SMAP2: variants seen among roughly 807,000 people sequenced by gnomAD.
The protein encoded by SMAP2 is small ArfGAP2.
In SMAP2, 25 loss-of-function variants were observed where a neutral mutation model predicts 56.4. That is an observed-to-expected ratio of 0.44 (90% CI 0.32 to 0.62). The LOEUF is 0.62. Ranked by LOEUF, SMAP2 falls within the 20% of genes least tolerant of loss-of-function variation. SMAP2 has a pLI of 0.04. For missense variants in SMAP2, 388 were observed against 545.6 expected, an observed-to-expected ratio of 0.71 and a Z score of 2.88; for synonymous variants, 157 against 181.7, an observed-to-expected ratio of 0.86 and a Z score of 1.09.
intron 1 of SMAP2, among the ~76,000 whole-genome samples, chr1:40,391,578 A>G (rs188864365): frequency 7.9e-4 from 120 of 152,262 alleles, no homozygotes; most frequent in African/African-American, 2.7e-3. Context: ...TTGTGCATCC[A>G]GAATCTAGTA....
In SMAP2 at chr1:40,402,460, T is replaced by G. The variant is rs186314291; in HGVS notation, c.104-4276T>G. 7.4e-5 allele frequency among the ~76,000 whole-genome samples: 11 copies of G among 147,984 alleles called. No individual in the cohort carries two copies. In the East Asian group the frequency reaches 9.8e-4, roughly 13 times the overall value. ...TTCTAACTGTATTTTTGTATTTTTG[T>G]TTTTTTTTTGAGACAAGGTCTCGCT... On this transcript the variant is annotated intron_variant, in intron 1 of 9. Transcript: ENST00000372718.
rs1644651393 is a variant in SMAP2 at position 40,386,132 on chromosome 1, A to G, written c.103+11909A>G. ...ACCCTGAGAAGAGAAACAGGAAGGA[A>G]ACTCCCTGTTCTTACCATGATGCTT... On this transcript the variant is annotated intron_variant, in intron 1 of 9. Coordinates refer to ENST00000372718, the MANE Select transcript of SMAP2 (RefSeq NM_022733.3). This position sits in a 1 kb window ranked among gnomAD's most constrained non-coding sequence, Gnocchi z 4.1. Among the ~76,000 whole-genome samples the G allele has an allele frequency of 6.6e-6, 1 of 152,166 alleles. No individual in the cohort carries two copies. The highest frequency in any genetic ancestry group is 2.1e-4 in the South Asian group (1 of 4,832).
Position 40,422,158 on chromosome 1 carries a change from A to G in SMAP2, c.*57A>G. On this transcript the variant is annotated 3_prime_UTR_variant, in exon 10 of 10. Transcript: ENST00000372718. ...TCAGCCCTCGCTCTCCCCTTTCCAC[A>G]GCCTCCACCCCTGACCCCCATCCTC... 2 of 1,602,856 alleles carry G rather than the reference A, an allele frequency of 1.2e-6. No homozygotes were observed. The highest frequency in any genetic ancestry group is 1.7e-6 in the Non-Finnish European group (2 of 1,175,360).
chr1:40,345,679 G>T (rs530584804), intron 1 of SMAP2, among the ~76,000 whole-genome samples: 1 of 151,086 alleles, frequency 6.6e-6, no homozygotes, highest in Non-Finnish European at 1.5e-5. Context: ...TCAACATGTC[G>T]TGAATTTATT....
chr1:40,361,053 T>C (rs74384307), intron 1 of SMAP2, among the ~76,000 whole-genome samples: 11 of 152,266 alleles, frequency 7.2e-5, no homozygotes, highest in East Asian at 3.9e-4. Context: ...CCTTCCCCAA[T>C]TGCAGGCAGC....
In SMAP2 at chr1:40,364,785, C is replaced by G. The variant is rs979916212; in HGVS notation, c.55+2349C>G. Reference sequence around the variant, plus strand: ...GGCTCAAGGCTGTGGATATCCTCCACAGGGACATCAAGGTGCTGAAAAGCT... The same window carrying G: ...GGCTCAAGGCTGTGGATATCCTCCAGAGGGACATCAAGGTGCTGAAAAGCT... On this transcript the variant is annotated intron_variant, in intron 2 of 6. Transcript: ENST00000435168. The G allele has an allele frequency of 2.6e-5, 4 of 151,852 alleles. No homozygotes were observed. The South Asian group carries it at 8.3e-4, about 31-fold the overall frequency. 9.4% of individuals were successfully genotyped at this position (151,852 alleles called of 1,614,324 possible).
At chr1:40,396,892 T>G (rs1413660008) in intron 1 of SMAP2, 1 of 974,798 alleles carries the variant, frequency 1.0e-6, no homozygotes, top group Non-Finnish European at 1.2e-6. Flanking sequence ...GGAACTGAGG[T>G]AACTGGCACT....
At chr1:40,412,160 A>G (rs1020548183) in intron 4 of SMAP2, among the ~76,000 whole-genome samples, 3 of 152,146 alleles carry the variant, frequency 2.0e-5, no homozygotes, top group Admixed American at 6.5e-5. Context: ...AACTTGGTGC[A>G]TTTAACCTTT....
intron 1 of SMAP2, among the ~76,000 whole-genome samples, chr1:40,394,990 T>A (rs1644756127): frequency 6.6e-6 from 1 of 152,146 alleles, no homozygotes; most frequent in Non-Finnish European, 1.5e-5. Context: ...GGCATCTATA[T>A]ACACAGTTTT....
chr1:40,348,287 C>G (rs886344128), intron 1 of SMAP2, among the ~76,000 whole-genome samples: 1 of 152,084 alleles, frequency 6.6e-6, no homozygotes, highest in African/African-American at 2.4e-5. Flanking sequence ...GAATTGTTCT[C>G]CAGAATTGAG....
At chr1:40,400,721 G>T (rs1644824702) in intron 1 of SMAP2, among the ~76,000 whole-genome samples, 1 of 152,182 alleles carries the variant, frequency 6.6e-6, no homozygotes, top group Admixed American at 6.5e-5. Context: ...CAGAAAATGT[G>T]CACCAATTTA....
intron 1 of SMAP2, among the ~76,000 whole-genome samples, chr1:40,387,929 C>T (rs1428955767): frequency 6.6e-6 from 1 of 151,996 alleles, no homozygotes; most frequent in Non-Finnish European, 1.5e-5. Flanking sequence ...ATGGGCTTGG[C>T]GGGCCCCGCA....
intron 1 of SMAP2, among the ~76,000 whole-genome samples, chr1:40,356,484 T>C (rs1022249489): frequency 4.6e-5 from 7 of 151,634 alleles, no homozygotes; most frequent in Non-Finnish European, 8.8e-5. Flanking sequence ...GATCTCAGCT[T>C]ACTGCAAGCT....
At position 40,422,450 on chromosome 1, in the gene SMAP2, T is replaced by C. The variant is rs1183518896; in HGVS notation, c.*349T>C. ...AGCTCCTGTCAGACTCTCAGAAGGG[T>C]CTGTGGGTGTTGTATATTAGGCAAA... On this transcript the variant is annotated 3_prime_UTR_variant, in exon 10 of 10. Transcript: ENST00000372718. The C allele has an allele frequency of 3.8e-6, 1 of 263,352 alleles. No individual in the cohort carries two copies. The highest frequency in any genetic ancestry group is 4.3e-5 in the Admixed American group (1 of 23,304). 16.3% of individuals were successfully genotyped at this position (263,352 alleles called of 1,614,324 possible).
intron 1 of SMAP2, among the ~76,000 whole-genome samples, chr1:40,389,175 C>T (rs1644691773): frequency 6.6e-6 from 1 of 152,182 alleles, no homozygotes; most frequent in Admixed American, 6.5e-5. Context: ...ACCTGATGTG[C>T]GGAAATACCC....
intron 4 of SMAP2, among the ~76,000 whole-genome samples, chr1:40,411,309 C>T (rs1400073640): frequency 6.6e-6 from 1 of 152,224 alleles, no homozygotes; most frequent in Non-Finnish European, 1.5e-5. Flanking sequence ...CCCAAGCATA[C>T]ACATTTCGTT....
chr1:40,372,330 G>A (rs371315089), upstream of SMAP2, among the ~76,000 whole-genome samples: 9 of 152,090 alleles, frequency 5.9e-5, no homozygotes, highest in East Asian at 9.6e-4. Flanking sequence ...GGTTGGAGGG[G>A]TGGTTCTTAC....
intron 1 of SMAP2, among the ~76,000 whole-genome samples, chr1:40,348,212 G>A (rs551456001): frequency 5.3e-5 from 8 of 152,248 alleles, no homozygotes; most frequent in African/African-American, 1.2e-4. Flanking sequence ...GCTTTAGGAT[G>A]AATTCTTGAA....
rs532052816 is a variant in SMAP2, at chr1:40,415,502, C to A, written c.681+121C>A. On this transcript the variant is annotated intron_variant, in intron 7 of 9. Coordinates refer to ENST00000372718, the MANE Select transcript of SMAP2 (RefSeq NM_022733.3). ...TTGGACTTTGGTTTTCTTGATTCTT[C>A]ATTCTTCCCTTAACATTGTGTCATT... 4 of 730,284 alleles carry A rather than the reference C, an allele frequency of 5.5e-6. No individual in the cohort carries two copies. In the East Asian group the frequency reaches 9.8e-5, roughly 18 times the overall value. 45.2% of individuals were successfully genotyped at this position (730,284 alleles called of 1,614,324 possible). A position where few individuals can be genotyped will look rare whatever the true frequency, so the allele number is the denominator to read the frequency against.
Sources: gnomAD v4.1 joint callset for allele counts (sites outside exome capture counted in the v4.1 genomes callset) on GRCh38, gnomAD v4.1.1 for gene constraint, Gnocchi (gnomAD v3.1) non-coding constraint, MANE v1.5 for transcripts, NCBI Gene and HGNC (gene_info 2026-07-23, HGNC 2026-07-21) for gene names.